The following GRXCR2 variants were observed in gnomAD, a reference collection of about 807,000 sequenced individuals.
GRXCR2 encodes the protein glutaredoxin and cysteine rich domain containing 2, also known as glutaredoxin domain-containing cysteine-rich protein 2.
GRXCR2 carries 23 observed loss-of-function variants against 24.8 expected under a neutral mutation model. The ratio of observed to expected loss-of-function variants is 0.93; its 90% CI spans 0.67 to 1.32. GRXCR2 has a LOEUF of 1.32. Among genes scored for constraint, GRXCR2 ranks in the 40% most tolerant of loss-of-function variants. GRXCR2 has a pLI of 0.00. For synonymous variants in GRXCR2, 130 were observed against 116.1 expected (o/e 1.12, Z -0.77); for missense variants, 315 against 303.4 (o/e 1.04, Z -0.28).
chr5:145,914,530 A>G (rs35725188), intron 2 of GRXCR2, among the ~76,000 whole-genome samples: 5,992 of 151,646 alleles, frequency 0.04, 244 homozygotes, highest in African/African-American at 0.093. Flanking sequence ...ACAAAAATTA[A>G]CCAGGCGTGG....
chr5:145,924,907 T>A (rs1757370409), intron 2 of GRXCR2, among the ~76,000 whole-genome samples: 1 of 152,094 alleles, frequency 6.6e-6, no homozygotes, highest in African/African-American at 2.4e-5. Context: ...AGTCATGAAA[T>A]GGCCAAATCA....
chr5:145,923,238 A>T (rs1757349359), intron 2 of GRXCR2, among the ~76,000 whole-genome samples: 1 of 152,196 alleles, frequency 6.6e-6, no homozygotes, highest in African/African-American at 2.4e-5. Flanking sequence ...AGAACTGTCT[A>T]CTTTACATAT....
intron 2 of GRXCR2, among the ~76,000 whole-genome samples, chr5:145,900,717 G>A (rs1307616408): frequency 1.3e-5 from 2 of 152,198 alleles, no homozygotes; most frequent in Non-Finnish European, 1.5e-5. Flanking sequence ...CAGCCACTGT[G>A]GAAAGCAGTT....
intron 2 of GRXCR2, among the ~76,000 whole-genome samples, chr5:145,892,498 G>A (rs970395643): frequency 8.5e-5 from 13 of 152,230 alleles, no homozygotes; most frequent in Non-Finnish European, 1.8e-4. Flanking sequence ...ACAAGTCTCA[G>A]TAGCCAATTC....
At chr5:145,884,641 T>C (rs574028987) in intron 2 of GRXCR2, among the ~76,000 whole-genome samples, 1 of 152,050 alleles carries the variant, frequency 6.6e-6, no homozygotes, top group Non-Finnish European at 1.5e-5. Flanking sequence ...AAAAAAAATG[T>C]TCACAATGCT....
intron 2 of GRXCR2, among the ~76,000 whole-genome samples, chr5:145,920,673 A>G (rs1362825356): frequency 6.6e-6 from 1 of 152,206 alleles, no homozygotes; most frequent in Non-Finnish European, 1.5e-5. Flanking sequence ...GAAACCAGAA[A>G]AGGTAGCTTC....
At chr5:145,889,183 AG>A (rs1756823449) in intron 2 of GRXCR2, among the ~76,000 whole-genome samples, 9 of 119,982 alleles carry the variant, frequency 7.5e-5, no homozygotes, top group Admixed American at 4.0e-4. Context: ...AAAGAAAGAA[AG>A]AAAGAAAGAA....
At chr5:145,925,475 A>C (rs1757380325) in intron 2 of GRXCR2, among the ~76,000 whole-genome samples, 1 of 152,170 alleles carries the variant, frequency 6.6e-6, no homozygotes, top group Non-Finnish European at 1.5e-5. Context: ...AGGGTCACAG[A>C]GCTGTTACTG....
chr5:145,890,787 C>A (rs1334296563), intron 2 of GRXCR2, among the ~76,000 whole-genome samples: 1 of 151,192 alleles, frequency 6.6e-6, no homozygotes, highest in Non-Finnish European at 1.5e-5. Flanking sequence ...ATTTTGAATG[C>A]AGATGGTCTA....
intron 2 of GRXCR2, among the ~76,000 whole-genome samples, chr5:145,888,763 T>C (rs112838487): frequency 0.015 from 2,276 of 152,260 alleles, 51 homozygotes; most frequent in African/African-American, 0.052. Context: ...AAGATACAAA[T>C]AATTTTAATG....
chr5:145,888,125 G>T (rs988654384), intron 2 of GRXCR2, among the ~76,000 whole-genome samples: 5 of 152,192 alleles, frequency 3.3e-5, no homozygotes, highest in Admixed American at 2.0e-4. Context: ...AAGAGCCACT[G>T]CTCTAGTAAG....
In GRXCR2 at chr5:145,859,622, G is replaced by C. The variant is rs1581326755; in HGVS notation, c.*111C>G. 5.3e-6 allele frequency: 5 copies of C among 937,278 alleles called. No individual in the cohort carries two copies. The South Asian group carries it at 7.7e-5, about 14-fold the overall frequency. 58.1% of individuals were successfully genotyped at this position (937,278 alleles called of 1,614,324 possible). On this transcript the variant is annotated 3_prime_UTR_variant, in exon 3 of 3. Coordinates refer to ENST00000377976, the MANE Select transcript of GRXCR2 (RefSeq NM_001080516.2). ...AGTTTTGCCAGCAGTGGGAGTGACT[G>C]CAGCCACTGTGGCCTCCTTGTTGGG...
intron 2 of GRXCR2, among the ~76,000 whole-genome samples, chr5:145,920,752 G>A (rs1263892425): frequency 6.6e-6 from 1 of 152,230 alleles, no homozygotes; most frequent in Non-Finnish European, 1.5e-5. Context: ...TGGTCTGAAT[G>A]TTTCTGTCTC....
chr5:145,901,223 T>C (rs1757018611), intron 2 of GRXCR2, among the ~76,000 whole-genome samples: 1 of 152,000 alleles, frequency 6.6e-6, no homozygotes. Context: ...GGTGACAGGA[T>C]CATTTATACC....
At chr5:145,902,943 C>T (rs1757043787) in intron 2 of GRXCR2, among the ~76,000 whole-genome samples, 1 of 152,192 alleles carries the variant, frequency 6.6e-6, no homozygotes, top group Non-Finnish European at 1.5e-5. Flanking sequence ...TGGATTTGCA[C>T]TTAGACAGTC....
chr5:145,903,829 G>A (rs1478663893), intron 2 of GRXCR2, among the ~76,000 whole-genome samples: 2 of 152,150 alleles, frequency 1.3e-5, no homozygotes, highest in Non-Finnish European at 2.9e-5. Flanking sequence ...AACTGTTGCT[G>A]ATGCAGTGAA....
At chr5:145,893,377 T>G (rs1404653199) in intron 2 of GRXCR2, among the ~76,000 whole-genome samples, 1 of 152,122 alleles carries the variant, frequency 6.6e-6, no homozygotes, top group Non-Finnish European at 1.5e-5. Flanking sequence ...TGTGTTGTAT[T>G]CAGGAAACCC....
intron 2 of GRXCR2, among the ~76,000 whole-genome samples, chr5:145,927,265 G>A (rs1023735904): frequency 2.6e-5 from 4 of 152,168 alleles, no homozygotes; most frequent in African/African-American, 9.7e-5. Flanking sequence ...TCAACACTAT[G>A]TTGAATAGGA....
At chr5:145,902,851 A>G (rs986404606) in intron 2 of GRXCR2, among the ~76,000 whole-genome samples, 2 of 152,220 alleles carry the variant, frequency 1.3e-5, no homozygotes, top group African/African-American at 4.8e-5. Context: ...AATTATGTCC[A>G]TTGTATAGAT....
Sources: gnomAD v4.1 joint callset for allele counts (sites outside exome capture counted in the v4.1 genomes callset) on GRCh38, gnomAD v4.1.1 for gene constraint, MANE v1.5 for transcripts, NCBI Gene and HGNC (gene_info 2026-07-23, HGNC 2026-07-21) for gene names.